ADGRB1: variants seen among roughly 807,000 people sequenced by gnomAD.
ADGRB1 encodes brain-specific angiogenesis inhibitor 1.
ADGRB1 carries 36 observed loss-of-function variants against 175.7 expected under a neutral mutation model. The ratio of observed to expected loss-of-function variants is 0.20; its 90% CI spans 0.16 to 0.27. The LOEUF (loss-of-function observed/expected upper bound fraction) is 0.27. Ranked by LOEUF, ADGRB1 falls within the 10% of genes least tolerant of loss-of-function variation. The pLI, the probability that ADGRB1 is intolerant of heterozygous loss-of-function variation, is 1.00. For synonymous variants in ADGRB1, 1,054 were observed against 979.4 expected, an observed-to-expected ratio of 1.08 and a Z score of -1.42; for missense variants, 1,731 against 2,255.3, an observed-to-expected ratio of 0.77 and a Z score of 4.71.
intron 23 of ADGRB1, 39 bp from the exon 24 acceptor site, chr8:142,526,503 G>GGGCCC: frequency 1.6e-6 from 2 of 1,259,274 alleles, no homozygotes. Context: ...GCCTACGGCG[G>GGGCCC]CCCCCACCCC....
Position 142,492,992 on chromosome 8 carries a change from C to G in ADGRB1, c.2675+2177C>G, listed in dbSNP as rs906329589. Among the ~76,000 whole-genome samples, 3 of 152,062 alleles carry G rather than the reference C, an allele frequency of 2.0e-5. No individual in the cohort carries two copies. Among genetic ancestry groups the G allele is most frequent in the Non-Finnish European group, 4.4e-5 (3 of 67,988 alleles). ...CACTCAACCAGCCCCTGCTGGTGGC[C>G]TTCAGGAGCCTTCCCTCTCTACCAG... On this transcript the variant is annotated intron_variant, in intron 17 of 30. Coordinates refer to ENST00000517894, the MANE Select transcript of ADGRB1 (RefSeq NM_001702.3). The surrounding 1 kb of genome is among the most constrained non-coding windows in gnomAD (Gnocchi z 4.4).
At chr8:142,456,659 A>G (rs879803795) in intron 1 of ADGRB1, among the ~76,000 whole-genome samples, 1 of 152,204 alleles carries the variant, frequency 6.6e-6, no homozygotes, top group Non-Finnish European at 1.5e-5. Flanking sequence ...CACCTACTGG[A>G]CACACCTACT....
chr8:142,462,702 C>G (rs1019156886), intron 1 of ADGRB1, among the ~76,000 whole-genome samples: 1 of 152,238 alleles, frequency 6.6e-6, no homozygotes, highest in African/African-American at 2.4e-5. Flanking sequence ...GTCAGCAGAG[C>G]GGAGGCATCC....
chr8:142,509,204 C>T (rs929514869), intron 17 of ADGRB1, among the ~76,000 whole-genome samples: 1 of 152,204 alleles, frequency 6.6e-6, no homozygotes, highest in Admixed American at 6.5e-5. Flanking sequence ...TCTGGGCTAT[C>T]AGACATGGGC....
In ADGRB1 at chr8:142,479,309, G is replaced by C; in HGVS notation, c.1562-14G>C. On this transcript the variant is annotated splice_polypyrimidine_tract_variant and intron_variant, in intron 7 of 30. Transcript: ENST00000517894. ...TCTTGTCGCCTGTGCCCTGTGTCTG[G>C]CCACGCCCCGCAGTGGATGGCAAGT... 6.8e-7 allele frequency: 1 copy of C among 1,479,562 alleles called. No individual in the cohort carries two copies. Among genetic ancestry groups the C allele is most frequent in the South Asian group, 1.4e-5 (1 of 70,298 alleles). 91.7% of individuals were successfully genotyped at this position (1,479,562 alleles called of 1,614,324 possible).
Position 142,544,511 on chromosome 8 carries a change from C to A in ADGRB1, c.*94C>A, listed in dbSNP as rs556536006. The A allele has an allele frequency of 7.4e-7, 1 of 1,348,548 alleles. No individual in the cohort carries two copies. Among genetic ancestry groups the A allele is most frequent in the South Asian group, 1.6e-5 (1 of 62,144 alleles). The allele number at this position is 1,348,548 out of a possible 1,614,324, so 83.5% of individuals were successfully genotyped here. On this transcript the variant is annotated 3_prime_UTR_variant, in exon 31 of 31. Transcript: ENST00000517894. ...CGGGCACAGACACGCTCGCGGGCAG[C>A]GGGCCAGGCCCGCACCCCGGCCTCA...
intron 24 of ADGRB1, 114 bp from the exon 25 acceptor site, chr8:142,533,181 A>C (rs1844724012): frequency 8.3e-7 from 1 of 1,202,436 alleles, no homozygotes; most frequent in Non-Finnish European, 1.1e-6. Flanking sequence ...CCCCAGAGAC[A>C]GAGACGGGGA....
At chr8:142,539,166 A>G (rs1845114745) in intron 26 of ADGRB1, among the ~76,000 whole-genome samples, 1 of 152,052 alleles carries the variant, frequency 6.6e-6, no homozygotes, top group Non-Finnish European at 1.5e-5. Flanking sequence ...ACACTCACAC[A>G]CGCATCCACC....
At chr8:142,486,449 T>A (rs961376900) in intron 13 of ADGRB1, among the ~76,000 whole-genome samples, 2 of 152,166 alleles carry the variant, frequency 1.3e-5, no homozygotes, top group Admixed American at 1.3e-4. Context: ...CCAGTAGAAA[T>A]GTCCATTTCA....
chr8:142,532,596 G>A (rs1439689503), intron 24 of ADGRB1, among the ~76,000 whole-genome samples: 1 of 152,130 alleles, frequency 6.6e-6, no homozygotes, highest in African/African-American at 2.4e-5. Flanking sequence ...GTTGCCGTCT[G>A]TCTCTGTCTC....
rs1159991345 is a variant in ADGRB1, at chr8:142,471,208, G to A, written c.785-4266G>A. Among the ~76,000 whole-genome samples the A allele has an allele frequency of 2.6e-5, 4 of 152,216 alleles. No homozygotes were observed. In the East Asian group the frequency reaches 7.7e-4, roughly 29 times the overall value. On this transcript the variant is annotated intron_variant, in intron 2 of 30. Coordinates refer to ENST00000517894, the MANE Select transcript of ADGRB1 (RefSeq NM_001702.3). ...ACAGACAACACCCATTTCAGATGGG[G>A]ATGGCAGGATGGGGCCCCATGGGAA...
intron 1 of ADGRB1, among the ~76,000 whole-genome samples, chr8:142,456,139 C>T (rs1225230566): frequency 1.3e-5 from 2 of 152,128 alleles, no homozygotes; most frequent in East Asian, 1.9e-4. Context: ...TGCACCCCCT[C>T]CCTGTTCCCC....
intron 1 of ADGRB1, among the ~76,000 whole-genome samples, chr8:142,459,108 T>C (rs756328439): frequency 6.6e-6 from 1 of 152,214 alleles, no homozygotes; most frequent in Non-Finnish European, 1.5e-5. Flanking sequence ...GTCCTCATAG[T>C]GGAGGCCTGG....
intron 11 of ADGRB1, 129 bp from the exon 12 acceptor site, chr8:142,483,848 C>T: frequency 1.0e-6 from 1 of 972,116 alleles, no homozygotes. Context: ...TGGTCACACA[C>T]TGAGCCCTGA....
intron 24 of ADGRB1, among the ~76,000 whole-genome samples, chr8:142,527,848 C>T (rs1473552284): frequency 2.6e-5 from 4 of 152,336 alleles, no homozygotes; most frequent in East Asian, 3.9e-4. Context: ...GTTATAGTCC[C>T]ATCTTAAAGC....
chr8:142,514,612 A>G (rs913347326), intron 18 of ADGRB1, among the ~76,000 whole-genome samples: 1 of 152,184 alleles, frequency 6.6e-6, no homozygotes, highest in African/African-American at 2.4e-5. Flanking sequence ...CCAGGGTCAC[A>G]GTTCATTTGC....
chr8:142,539,513 C>A, intron 27 of ADGRB1, 100 bp downstream of exon 27: 1 of 1,408,258 alleles, frequency 7.1e-7, no homozygotes, highest in Non-Finnish European at 9.8e-7. Context: ...CCATCCCTGT[C>A]CACTCCTGCT....
In ADGRB1 at chr8:142,455,324, C is replaced by G. The variant is rs1839607370; in HGVS notation, c.-220+5220C>G. Among the ~76,000 whole-genome samples the G allele has an allele frequency of 1.3e-5, 2 of 152,098 alleles. No homozygotes were observed. The highest frequency in any genetic ancestry group is 2.9e-5 in the Non-Finnish European group (2 of 68,024). The stretch of plus-strand genomic sequence containing the variant: ...TGATCGCTGTCACCTTGGCCCCCAC[C>G]TTAGGCTCCTGTCCCCTTCACTCGC... On this transcript the variant is annotated intron_variant, in intron 1 of 30. Coordinates refer to ENST00000517894, the MANE Select transcript of ADGRB1 (RefSeq NM_001702.3). This position sits in a 1 kb window ranked among gnomAD's most constrained non-coding sequence, Gnocchi z 4.9.
intron 24 of ADGRB1, among the ~76,000 whole-genome samples, chr8:142,532,404 T>C (rs1844674828): frequency 6.6e-6 from 1 of 152,072 alleles, no homozygotes; most frequent in South Asian, 2.1e-4. Context: ...CCTTCACTGC[T>C]CCCAGCGAGG....
Sources: allele counts gnomAD v4.1 joint callset (sites outside exome capture counted in the v4.1 genomes callset), GRCh38; gene constraint gnomAD v4.1.1; non-coding constraint Gnocchi (gnomAD v3.1); transcripts MANE v1.5; gene names NCBI Gene and HGNC (gene_info 2026-07-23, HGNC 2026-07-21).